NRXN3: variants seen among roughly 807,000 people sequenced by gnomAD.
The protein encoded by NRXN3 is neurexin III.
A neutral mutation model predicts 137.6 loss-of-function variants in NRXN3; 32 were observed. The ratio of observed to expected loss-of-function variants is 0.23; its 90% confidence interval spans 0.18 to 0.31. The LOEUF (loss-of-function observed/expected upper bound fraction) is 0.31. Among genes scored for constraint, NRXN3 ranks in the 10% least tolerant of loss-of-function variants. NRXN3 has a pLI of 1.00. For missense variants in NRXN3, 1,574 were observed against 2,062.5 expected (o/e 0.76, Z 4.59); for synonymous variants, 798 against 784.5 (o/e 1.02, Z -0.29).
At chr14:78,172,683 G>A (rs1311084742) in intron 1 of NRXN3, among the ~76,000 whole-genome samples, 9 of 152,094 alleles carry the variant, frequency 5.9e-5, no homozygotes, top group South Asian at 2.1e-4. Context: ...CTGGAAGTTC[G>A]CTATTAAAGT....
At chr14:78,505,463 G>A (rs2095969188) in intron 4 of NRXN3, among the ~76,000 whole-genome samples, 1 of 152,108 alleles carries the variant, frequency 6.6e-6, no homozygotes, top group African/African-American at 2.4e-5. Flanking sequence ...GTGACCTAAA[G>A]AAGACCTGCC....
At chr14:78,515,270 T>C (rs1396244003) in intron 4 of NRXN3, among the ~76,000 whole-genome samples, 1 of 152,198 alleles carries the variant, frequency 6.6e-6, no homozygotes, top group Non-Finnish European at 1.5e-5. Context: ...TGGTAATCAA[T>C]GGAATCCAGA....
chr14:78,646,537 G>A (rs1251079770), intron 5 of NRXN3, among the ~76,000 whole-genome samples: 1 of 152,150 alleles, frequency 6.6e-6, no homozygotes, highest in Non-Finnish European at 1.5e-5. Context: ...AGAAATGATA[G>A]GTGTCTGCCT....
intron 4 of NRXN3, among the ~76,000 whole-genome samples, chr14:78,466,691 G>A (rs1197427490): frequency 1.3e-5 from 2 of 152,292 alleles, no homozygotes; most frequent in East Asian, 3.9e-4. Context: ...GCAACCTTTG[G>A]CACCAGACAG....
At chr14:79,349,646 A>G (rs1411978651) in intron 15 of NRXN3, among the ~76,000 whole-genome samples, 2 of 151,678 alleles carry the variant, frequency 1.3e-5, no homozygotes, top group African/African-American at 4.8e-5. Flanking sequence ...AAACCTTAAA[A>G]CCTCTAGTAC....
chr14:79,497,289 G>C (rs1326936537), intron 16 of NRXN3, among the ~76,000 whole-genome samples: 2 of 152,082 alleles, frequency 1.3e-5, no homozygotes, highest in African/African-American at 4.8e-5. Flanking sequence ...AATCCCCCAT[G>C]AACCATTCTG....
chr14:79,162,183 G>A (rs1354223411), intron 15 of NRXN3, among the ~76,000 whole-genome samples: 2 of 147,312 alleles, frequency 1.4e-5, no homozygotes, highest in African/African-American at 5.0e-5. Context: ...GGGTACATGT[G>A]CACAATGTGC....
intron 17 of NRXN3, among the ~76,000 whole-genome samples, chr14:79,680,352 T>C (rs2098663719): frequency 6.6e-6 from 1 of 151,938 alleles, no homozygotes; most frequent in South Asian, 2.1e-4. Context: ...GCCATTGTAC[T>C]CCAGCCTGGG....
chr14:79,628,068 A>G (rs1171183283), intron 16 of NRXN3, among the ~76,000 whole-genome samples: 1 of 152,240 alleles, frequency 6.6e-6, no homozygotes, highest in East Asian at 1.9e-4. Context: ...ATAAGTACTG[A>G]GATTCCGTTG....
chr14:79,595,795 A>G (rs1180287306), intron 16 of NRXN3, among the ~76,000 whole-genome samples: 2 of 152,218 alleles, frequency 1.3e-5, no homozygotes, highest in African/African-American at 4.8e-5. Flanking sequence ...TTCTTTGTAC[A>G]GTTTTTAAAT....
chr14:78,786,077 A>G (rs529707653), intron 8 of NRXN3, among the ~76,000 whole-genome samples: 16 of 152,276 alleles, frequency 1.1e-4, no homozygotes, highest in African/African-American at 3.6e-4. Flanking sequence ...GGTTACTTCT[A>G]TTCAGCCATT....
At chr14:79,524,881 A>G (rs1015923794) in intron 16 of NRXN3, among the ~76,000 whole-genome samples, 1 of 152,198 alleles carries the variant, frequency 6.6e-6, no homozygotes, top group Non-Finnish European at 1.5e-5. Flanking sequence ...GTATGATCTA[A>G]TGGTAATGGA....
chr14:79,345,734 T>C (rs192843292), intron 15 of NRXN3, among the ~76,000 whole-genome samples: 50 of 152,290 alleles, frequency 3.3e-4, no homozygotes, highest in South Asian at 1.5e-3. Flanking sequence ...CTTTGCTTTC[T>C]TTGTTCCTGC....
At chr14:79,188,941 A>T (rs532108106) in intron 15 of NRXN3, among the ~76,000 whole-genome samples, 3 of 152,274 alleles carry the variant, frequency 2.0e-5, no homozygotes, top group South Asian at 2.1e-4. Context: ...TGTCGGTGGG[A>T]CTGTAAACTA....
At chr14:79,473,687 T>A (rs2096534740) in intron 16 of NRXN3, among the ~76,000 whole-genome samples, 1 of 152,150 alleles carries the variant, frequency 6.6e-6, no homozygotes, top group Non-Finnish European at 1.5e-5. Context: ...CAGATGCAAT[T>A]TCGTTTCCCA....
At chr14:79,401,547 T>C (rs2095195078) in intron 15 of NRXN3, among the ~76,000 whole-genome samples, 1 of 152,180 alleles carries the variant, frequency 6.6e-6, no homozygotes, top group Non-Finnish European at 1.5e-5. Flanking sequence ...AACTCTTCCT[T>C]TCTTGAAGAA....
intron 20 of NRXN3, among the ~76,000 whole-genome samples, chr14:79,822,956 A>G (rs1461326614): frequency 6.6e-6 from 1 of 152,244 alleles, no homozygotes; most frequent in Non-Finnish European, 1.5e-5. Context: ...ATGCCTATAA[A>G]AAAGTCTCTG....
At chr14:78,797,271 T>A (rs2098824818) in intron 8 of NRXN3, among the ~76,000 whole-genome samples, 1 of 152,202 alleles carries the variant, frequency 6.6e-6, no homozygotes, top group Non-Finnish European at 1.5e-5. Flanking sequence ...ACAGGGTTAG[T>A]GTCCAGACTT....
chr14:79,481,679 A>C (rs1384540973), intron 16 of NRXN3, among the ~76,000 whole-genome samples: 1 of 152,240 alleles, frequency 6.6e-6, no homozygotes, highest in Non-Finnish European at 1.5e-5. Context: ...AGACAGGTGA[A>C]TTGCAGTAGA....
Sources: gnomAD v4.1 joint callset for allele counts (sites outside exome capture counted in the v4.1 genomes callset) on GRCh38, gnomAD v4.1.1 for gene constraint, MANE v1.5 for transcripts, NCBI Gene and HGNC (gene_info 2026-07-23, HGNC 2026-07-21) for gene names.